PTPRK: variants seen among roughly 807,000 people sequenced by gnomAD.
The protein encoded by PTPRK is protein tyrosine phosphatase receptor type K.
PTPRK carries 75 observed loss-of-function variants against 178.0 expected under a neutral mutation model. That is an observed-to-expected ratio of 0.42 (90% CI 0.35 to 0.51). The LOEUF is 0.51. PTPRK is among the 20% of genes least tolerant of loss of function. The pLI, the probability that PTPRK is intolerant of heterozygous loss-of-function variation, is 0.02. For synonymous variants in PTPRK, 637 were observed against 620.6 expected, an observed-to-expected ratio of 1.03 and a Z score of -0.39; for missense variants, 1,441 against 1,797.8, an observed-to-expected ratio of 0.80 and a Z score of 3.59.
At chr6:128,429,625 T>C (rs867738250) in intron 1 of PTPRK, among the ~76,000 whole-genome samples, 1 of 152,194 alleles carries the variant, frequency 6.6e-6, no homozygotes, top group Admixed American at 6.5e-5. Flanking sequence ...CTATAAAATA[T>C]ATATCTTTTT....
chr6:127,973,684 G>C lies in PTPRK; in HGVS notation c.4113C>G (p.Gly1371=), dbSNP rs1458999812. 1 of 1,613,628 alleles carries C rather than the reference G, an allele frequency of 6.2e-7. No homozygotes were observed. The highest frequency in any genetic ancestry group is 8.5e-7 in the Non-Finnish European group (1 of 1,179,912). Residue 1371 remains glycine, a synonymous_variant, in exon 28 of 30, where the codon GGC becomes GGG. Coordinates refer to ENST00000368226, the MANE Select transcript of PTPRK (RefSeq NM_002844.4). ...KWQEECEEGE[G]RTIIHCLNGG... is the part of the protein sequence containing the mutation. The stretch of plus-strand genomic sequence containing the variant: ...CTCACAGGCAGTGGATAATCGTCCG[G>C]CCTTCCCCTTCCTCGCATTCCTCCT...
chr6:128,203,620 T>G (rs758739760), intron 6 of PTPRK, among the ~76,000 whole-genome samples: 8 of 152,148 alleles, frequency 5.3e-5, no homozygotes, highest in Non-Finnish European at 1.0e-4. Context: ...AGCAGTCCTA[T>G]ACCCCAACAA....
intron 1 of PTPRK, among the ~76,000 whole-genome samples, chr6:128,489,388 T>A (rs1853437455): frequency 6.6e-6 from 1 of 152,204 alleles, no homozygotes; most frequent in Non-Finnish European, 1.5e-5. Flanking sequence ...TGTTTCTTCT[T>A]ATCCTGGTAA....
At chr6:127,986,659 A>G (rs1776012988) in intron 21 of PTPRK, among the ~76,000 whole-genome samples, 1 of 152,162 alleles carries the variant, frequency 6.6e-6, no homozygotes. Flanking sequence ...TATTTTTAAG[A>G]ACTCACATTT....
At chr6:128,027,178 G>A (rs1215537460) in intron 13 of PTPRK, among the ~76,000 whole-genome samples, 1 of 152,104 alleles carries the variant, frequency 6.6e-6, no homozygotes, top group African/African-American at 2.4e-5. Context: ...TATGATCAAA[G>A]TATTTTGAAG....
chr6:127,975,527 C>T (rs1007505161), intron 27 of PTPRK, among the ~76,000 whole-genome samples: 13 of 152,154 alleles, frequency 8.5e-5, no homozygotes, highest in African/African-American at 3.1e-4. Context: ...TAATCCTAAT[C>T]ACACACTTAA....
chr6:128,476,830 TA>T (rs1851431498), intron 1 of PTPRK, among the ~76,000 whole-genome samples: 1 of 151,864 alleles, frequency 6.6e-6, no homozygotes, highest in Non-Finnish European at 1.5e-5. Context: ...TATGTGATAT[TA>T]AGGTCTAGAT....
At chr6:128,424,785 C>T (rs376637221) in intron 1 of PTPRK, among the ~76,000 whole-genome samples, 2 of 151,960 alleles carry the variant, frequency 1.3e-5, no homozygotes, top group African/African-American at 2.4e-5. Flanking sequence ...CTTCATGCAC[C>T]GTTAAGAATG....
chr6:128,338,376 T>C (rs762528762), intron 2 of PTPRK, among the ~76,000 whole-genome samples: 16 of 152,188 alleles, frequency 1.1e-4, no homozygotes, highest in African/African-American at 3.9e-4. Context: ...AATATACAAC[T>C]ATATTTCTTG....
chr6:128,221,536 A>T (rs888757610), intron 5 of PTPRK, among the ~76,000 whole-genome samples: 16 of 149,284 alleles, frequency 1.1e-4, no homozygotes, highest in African/African-American at 4.0e-4. Flanking sequence ...AAAAAAAAAA[A>T]ATAATAATAA....
At chr6:128,167,904 G>A (rs1356933626) in intron 7 of PTPRK, among the ~76,000 whole-genome samples, 1 of 151,986 alleles carries the variant, frequency 6.6e-6, no homozygotes, top group South Asian at 2.1e-4. Flanking sequence ...TAACCATTAA[G>A]TAAAAACTTG....
chr6:127,974,419 T>C (rs1481478266), intron 27 of PTPRK, among the ~76,000 whole-genome samples: 2 of 152,212 alleles, frequency 1.3e-5, no homozygotes, highest in African/African-American at 2.4e-5. Context: ...ACTTTGCATA[T>C]ACTGTATGTA....
intron 7 of PTPRK, among the ~76,000 whole-genome samples, chr6:128,094,098 G>A (rs557816952): frequency 2.0e-5 from 3 of 152,234 alleles, no homozygotes; most frequent in African/African-American, 7.2e-5. Context: ...GAGAAAATTT[G>A]CAATCCCACT....
intron 7 of PTPRK, among the ~76,000 whole-genome samples, chr6:128,134,757 T>C (rs571478666): frequency 2.6e-5 from 4 of 152,174 alleles, no homozygotes; most frequent in South Asian, 4.1e-4. Context: ...GCTGCAGTGA[T>C]TGTACCACTG....
At chr6:128,451,816 G>T (rs1847831810) in intron 1 of PTPRK, among the ~76,000 whole-genome samples, 1 of 152,038 alleles carries the variant, frequency 6.6e-6, no homozygotes, top group Non-Finnish European at 1.5e-5. Flanking sequence ...ACAATTTTAG[G>T]AGCATAAATG....
At chr6:128,104,721 CT>C (rs1789398717) in intron 7 of PTPRK, among the ~76,000 whole-genome samples, 1 of 152,152 alleles carries the variant, frequency 6.6e-6, no homozygotes, top group African/African-American at 2.4e-5. Context: ...TCAACGAAAG[CT>C]TATGTCTGAA....
At chr6:128,407,221 T>C (rs1841759352) in intron 1 of PTPRK, among the ~76,000 whole-genome samples, 1 of 152,160 alleles carries the variant, frequency 6.6e-6, no homozygotes. Flanking sequence ...GGCAATAATT[T>C]AATGGAGATA....
intron 1 of PTPRK, among the ~76,000 whole-genome samples, chr6:128,433,409 C>T (rs1344987682): frequency 6.6e-6 from 1 of 152,128 alleles, no homozygotes; most frequent in Non-Finnish European, 1.5e-5. Context: ...ATTTCACTTA[C>T]CATAGTGAAC....
intron 3 of PTPRK, among the ~76,000 whole-genome samples, chr6:128,286,587 T>A (rs912208985): frequency 1.5e-4 from 23 of 152,300 alleles, no homozygotes; most frequent in African/African-American, 5.5e-4. Flanking sequence ...CTGTTTAACA[T>A]CTTTGCTAGT....
Sources: gnomAD v4.1 joint callset for allele counts (sites outside exome capture counted in the v4.1 genomes callset) on GRCh38, gnomAD v4.1.1 for gene constraint, MANE v1.5 for transcripts, NCBI Gene and HGNC (gene_info 2026-07-23, HGNC 2026-07-21) for gene names.